FRYL: variants seen among roughly 807,000 people sequenced by gnomAD.
The protein encoded by FRYL is FRY like transcription coactivator, also known as protein furry homolog-like.
A neutral mutation model predicts 351.2 loss-of-function variants in FRYL; 150 were observed. The observed-to-expected ratio is 0.43, with a 90% confidence interval of 0.37 to 0.49. FRYL has a LOEUF of 0.49. FRYL is among the 20% of genes least tolerant of loss of function. The pLI is 0.00. For synonymous variants in FRYL, 1,153 were observed against 1,257.1 expected (o/e 0.92, Z 1.75); for missense variants, 3,036 against 3,619.3 (o/e 0.84, Z 4.13).
At chr4:48,614,124 G>A (rs919282448) in intron 7 of FRYL, among the ~76,000 whole-genome samples, 16 of 152,042 alleles carry the variant, frequency 1.1e-4, no homozygotes, top group South Asian at 8.3e-4. Context: ...GACAGAGTTC[G>A]AGGTGTGATA....
In FRYL at chr4:48,550,727, T is replaced by C. The variant is rs561148818; in HGVS notation, c.4521-23A>G. 4.0e-4 allele frequency: 586 copies of C among 1,469,448 alleles called. 10 individuals are homozygous for C. In the South Asian group the frequency reaches 6.3e-3, roughly 16 times the overall value. The allele number at this position is 1,469,448 out of a possible 1,614,324, so 91.0% of individuals were successfully genotyped here. On this transcript the variant is annotated intron_variant, in intron 37 of 63. Coordinates refer to ENST00000358350, the MANE Select transcript of FRYL (RefSeq NM_015030.2). ...TAGCTATGGGAATGATCACTGAAGTTAGTCACAGTTCACGGTGCAATGGTA... is the reference window on the plus strand; with the variant it reads ...TAGCTATGGGAATGATCACTGAAGTCAGTCACAGTTCACGGTGCAATGGTA...
chr4:48,778,069 C>T (rs1011633885), intron 1 of FRYL, among the ~76,000 whole-genome samples: 4 of 152,204 alleles, frequency 2.6e-5, no homozygotes, highest in Non-Finnish European at 4.4e-5. Context: ...CAGTCGTGCC[C>T]ACCTGTAGTC....
chr4:48,545,227 A>C (rs1473733984), intron 42 of FRYL, among the ~76,000 whole-genome samples: 1 of 152,250 alleles, frequency 6.6e-6, no homozygotes, highest in Non-Finnish European at 1.5e-5. Flanking sequence ...ATTGTAATGC[A>C]AAGAAAATAA....
intron 1 of FRYL, among the ~76,000 whole-genome samples, chr4:48,723,343 A>G (rs937107759): frequency 6.6e-6 from 1 of 151,936 alleles, no homozygotes; most frequent in African/African-American, 2.4e-5. Flanking sequence ...GAGTCTCACC[A>G]TGTTGCCCAG....
intron 1 of FRYL, among the ~76,000 whole-genome samples, chr4:48,775,482 A>T (rs932118223): frequency 6.6e-6 from 1 of 152,072 alleles, no homozygotes; most frequent in Non-Finnish European, 1.5e-5. Context: ...TGGGTTTTCT[A>T]TTTAGGATCC....
chr4:48,733,076 G>C (rs1277761615), intron 1 of FRYL, among the ~76,000 whole-genome samples: 1 of 151,868 alleles, frequency 6.6e-6, no homozygotes, highest in Non-Finnish European at 1.5e-5. Flanking sequence ...AGGAGTTCGA[G>C]ACCACCTGGC....
At chr4:48,655,794 T>C (rs1349938676) in intron 3 of FRYL, among the ~76,000 whole-genome samples, 1 of 145,114 alleles carries the variant, frequency 6.9e-6, no homozygotes, top group Non-Finnish European at 1.5e-5. Context: ...TATATAATCA[T>C]ATATAATGTA....
intron 26 of FRYL, among the ~76,000 whole-genome samples, chr4:48,572,174 A>C (rs1046386304): frequency 6.6e-6 from 1 of 152,174 alleles, no homozygotes; most frequent in Non-Finnish European, 1.5e-5. Context: ...CTGATTCCCA[A>C]ACAATGTTCT....
chr4:48,622,617 A>C (rs1325129450), intron 5 of FRYL, among the ~76,000 whole-genome samples: 1 of 152,200 alleles, frequency 6.6e-6, no homozygotes, highest in Non-Finnish European at 1.5e-5. Context: ...AGTACTAGAT[A>C]GTAAAGAAAG....
chr4:48,601,403 C>T (rs1169376734), intron 13 of FRYL, among the ~76,000 whole-genome samples: 1 of 152,150 alleles, frequency 6.6e-6, no homozygotes, highest in African/African-American at 2.4e-5. Flanking sequence ...AAAGAGGATC[C>T]TGCTAGCAGA....
At position 48,501,714 on chromosome 4, in the gene FRYL, C is replaced by A. The variant is rs770726697; in HGVS notation, c.8501G>T (p.Arg2834Ile). 22 of 1,602,146 alleles carry A rather than the reference C, an allele frequency of 1.4e-5. No individual in the cohort carries two copies. In the South Asian group the frequency reaches 2.2e-4, roughly 16 times the overall value. ...CAATTGAAAATGCAATTTGTATAAT[C>A]TTCGGCAGAGCTCCAATTCCTAGAA... The part of the protein sequence containing the change: ...EILAELELCR[R>I]LYKLHFQLLL... The change falls in exon 62 of 64, where the codon AGA becomes ATA. Residue 2834 changes from arginine to isoleucine, a missense_variant. Physicochemically the swap from Arg to Ile is moderately conservative, Grantham distance 97. This residue lies in a region of FRYL where 1,987 missense variants were observed against 2,311.7 expected (regional missense o/e 0.86). Coordinates refer to ENST00000358350, the MANE Select transcript of FRYL (RefSeq NM_015030.2).
Position 48,546,359 on chromosome 4 carries a change from T to C in FRYL, c.5075-88A>G, listed in dbSNP as rs191912464. The C allele has an allele frequency of 6.8e-6, 7 of 1,026,936 alleles. No homozygotes were observed. The Admixed American group carries it at 1.4e-4, about 21-fold the overall frequency. The allele number at this position is 1,026,936 out of a possible 1,614,324, so 63.6% of individuals were successfully genotyped here. On this transcript the variant is annotated intron_variant, in intron 41 of 63. Coordinates refer to ENST00000358350, the MANE Select transcript of FRYL (RefSeq NM_015030.2). The stretch of plus-strand genomic sequence containing the variant: ...AATTAAACTGTTGTTCCTTAGACTC[T>C]ATGGGACACATGAGGCAATCTGTCA...
chr4:48,713,699 T>C (rs1176850166), intron 1 of FRYL, among the ~76,000 whole-genome samples: 3 of 152,026 alleles, frequency 2.0e-5, no homozygotes, highest in African/African-American at 4.8e-5. Context: ...ACTGTCAACA[T>C]TAAACAGATC....
intron 8 of FRYL, among the ~76,000 whole-genome samples, chr4:48,609,499 G>C (rs538192413): frequency 6.6e-6 from 1 of 152,024 alleles, no homozygotes; most frequent in Non-Finnish European, 1.5e-5. Flanking sequence ...GCGTGCACCT[G>C]TAGTCCTAGC....
At chr4:48,747,216 AATTC>A (rs1772788844) in intron 1 of FRYL, among the ~76,000 whole-genome samples, 2 of 147,446 alleles carry the variant, frequency 1.4e-5, no homozygotes, top group Non-Finnish European at 3.0e-5. Flanking sequence ...TTGCATTTGT[AATTC>A]ATATGCTGAG....
At chr4:48,613,954 C>CA (rs35519906) in intron 7 of FRYL, among the ~76,000 whole-genome samples, 63,847 of 114,756 alleles carry the variant, frequency 0.56, 16,379 homozygotes, top group African/African-American at 0.68. Context: ...TGACTCCAAC[C>CA]AAAAAAAAAA....
intron 4 of FRYL, among the ~76,000 whole-genome samples, chr4:48,628,282 T>G (rs1752242942): frequency 1.3e-5 from 2 of 152,174 alleles, no homozygotes; most frequent in African/African-American, 4.8e-5. Context: ...GAGACTGATT[T>G]AAAACTATAT....
chr4:48,643,589 A>T (rs529561257), intron 3 of FRYL, among the ~76,000 whole-genome samples: 1 of 152,304 alleles, frequency 6.6e-6, no homozygotes, highest in South Asian at 2.1e-4. Context: ...TGAAGTGCTG[A>T]TTTTTGCCTT....
At chr4:48,580,765 GT>G in intron 22 of FRYL, 99 bp downstream of exon 22, 1 of 711,128 alleles carries the variant, frequency 1.4e-6, no homozygotes, top group Non-Finnish European at 2.4e-6. Context: ...CATTACATTT[GT>G]TAAGGAAGTT....
Sources: allele counts gnomAD v4.1 joint callset (sites outside exome capture counted in the v4.1 genomes callset), GRCh38; gene constraint gnomAD v4.1.1; regional missense constraint gnomAD v4.1.1; transcripts MANE v1.5; gene names NCBI Gene and HGNC (gene_info 2026-07-23, HGNC 2026-07-21).